RPTOR: variants seen among roughly 807,000 people sequenced by gnomAD.
RPTOR encodes the protein regulatory associated protein of MTOR complex 1, also known as regulatory-associated protein of mTOR.
A neutral mutation model predicts 169.9 loss-of-function variants in RPTOR; 21 were observed. The ratio of observed to expected loss-of-function variants is 0.12; its 90% CI spans 0.09 to 0.18. The LOEUF is 0.18. Ranked by LOEUF, RPTOR falls within the 10% of genes least tolerant of loss-of-function variation. The probability of loss-of-function intolerance (pLI) is 1.00; values close to 1 mark genes in which losing one functional copy is unlikely to be tolerated. For synonymous variants in RPTOR, 732 were observed against 753.2 expected (o/e 0.97, Z 0.46); for missense variants, 1,133 against 1,855.9 (o/e 0.61, Z 7.16).
At chr17:80,550,467 C>G (rs2084331091) in intron 1 of RPTOR, among the ~76,000 whole-genome samples, 3 of 152,178 alleles carry the variant, frequency 2.0e-5, no homozygotes, top group Non-Finnish European at 4.4e-5. Flanking sequence ...CCCTCCCTAG[C>G]AGATCTCATC....
intron 2 of RPTOR, among the ~76,000 whole-genome samples, chr17:80,634,931 G>A (rs550408919): frequency 2.0e-4 from 30 of 152,110 alleles, no homozygotes; most frequent in African/African-American, 4.3e-4. Flanking sequence ...TGTGCATACC[G>A]CGTGTGCATA....
chr17:80,676,946 A>G (rs528594906), intron 3 of RPTOR, among the ~76,000 whole-genome samples: 1 of 152,286 alleles, frequency 6.6e-6, no homozygotes, highest in South Asian at 2.1e-4. Context: ...CTGTATTTTA[A>G]TAATCAGTTT....
In RPTOR at chr17:80,721,502, C is replaced by T. The variant is rs1270333512; in HGVS notation, c.508-9058C>T. ...GCATCTGGCCCTGGAAAGAGGCACA[C>T]CCAGCAGCGGGCTCTCCTGGCTCAC... On this transcript the variant is annotated intron_variant, in intron 4 of 33. Coordinates refer to ENST00000306801, the MANE Select transcript of RPTOR (RefSeq NM_020761.3). The surrounding 1 kb of genome is among the most constrained non-coding windows in gnomAD (Gnocchi z 4.7). 4.6e-5 allele frequency among the ~76,000 whole-genome samples: 7 copies of T among 151,410 alleles called. 1 individual carries two copies. Among genetic ancestry groups the T allele is most frequent in the African/African-American group, 1.2e-4 (5 of 40,672 alleles).
chr17:80,865,037 A>G (rs1224067353), intron 13 of RPTOR, among the ~76,000 whole-genome samples: 2 of 152,386 alleles, frequency 1.3e-5, no homozygotes, highest in East Asian at 3.9e-4. Flanking sequence ...TAACAGTAAC[A>G]AAAAGATGGG....
chr17:80,652,824 G>A (rs918849777), intron 3 of RPTOR, among the ~76,000 whole-genome samples: 4 of 152,218 alleles, frequency 2.6e-5, no homozygotes, highest in Non-Finnish European at 5.9e-5. Flanking sequence ...ATTTTCCACA[G>A]TGGCTGTACT....
intron 21 of RPTOR, among the ~76,000 whole-genome samples, chr17:80,920,497 G>A (rs1321205650): frequency 6.6e-6 from 1 of 152,236 alleles, no homozygotes; most frequent in Non-Finnish European, 1.5e-5. Flanking sequence ...AACCCCAGGG[G>A]CTGCGAGAAT....
At position 80,961,750 on chromosome 17, in the gene RPTOR, G is replaced by A. The variant is rs985748125; in HGVS notation, c.3692+270G>A. On this transcript the variant is annotated intron_variant, in intron 31 of 33. Coordinates refer to ENST00000306801, the MANE Select transcript of RPTOR (RefSeq NM_020761.3). ...TGCGGAGGGTTCCGGGGGGAGTTGG[G>A]CAGCTGCTCTCCCTCCACGGGCAGG... 62 of 429,802 alleles carry A rather than the reference G, an allele frequency of 1.4e-4. No individual in the cohort carries two copies. The South Asian group carries it at 2.2e-3, about 15-fold the overall frequency. 26.6% of individuals were successfully genotyped at this position (429,802 alleles called of 1,614,324 possible).
At chr17:80,725,869 A>G (rs1249575039) in intron 4 of RPTOR, among the ~76,000 whole-genome samples, 2 of 152,240 alleles carry the variant, frequency 1.3e-5, no homozygotes, top group Admixed American at 1.3e-4. Context: ...TAATGTATAC[A>G]GCTCATGTTT....
chr17:80,813,447 G>A (rs1029807094), intron 7 of RPTOR, among the ~76,000 whole-genome samples: 3 of 152,204 alleles, frequency 2.0e-5, no homozygotes, highest in Admixed American at 1.3e-4. Context: ...TGTGCTTTAT[G>A]TGTAAGGTTT....
At chr17:80,877,230 C>T (rs1278869138) in intron 13 of RPTOR, among the ~76,000 whole-genome samples, 1 of 152,230 alleles carries the variant, frequency 6.6e-6, no homozygotes, top group Non-Finnish European at 1.5e-5. Flanking sequence ...CGAGAGAGTC[C>T]ACCCCAGTCC....
intron 1 of RPTOR, among the ~76,000 whole-genome samples, chr17:80,564,107 G>C (rs2084541645): frequency 6.6e-6 from 1 of 151,366 alleles, no homozygotes; most frequent in Non-Finnish European, 1.5e-5. Flanking sequence ...CTGTCGCCCA[G>C]GCTGGAGTGC....
rs748804748 is a variant in RPTOR, at chr17:80,892,529, G to A, written c.2102-200G>A. Among the ~76,000 whole-genome samples the A allele has an allele frequency of 7.2e-5, 11 of 152,360 alleles. No individual in the cohort carries two copies. In the South Asian group the frequency reaches 1.2e-3, roughly 17 times the overall value. ...ATTTAATATGCACAGAGCCACAAGC[G>A]GTTGTTGTTTGTCCAGTGCTATCCC... On this transcript the variant is annotated intron_variant, in intron 18 of 33. Transcript: ENST00000306801.
In RPTOR at chr17:80,728,024, C is replaced by T. The variant is rs375845657; in HGVS notation, c.508-2536C>T. 4.1e-4 allele frequency among the ~76,000 whole-genome samples: 62 copies of T among 152,008 alleles called. No individual in the cohort carries two copies. In the East Asian group the frequency reaches 5.4e-3, roughly 13 times the overall value. On this transcript the variant is annotated intron_variant, in intron 4 of 33. Coordinates refer to ENST00000306801, the MANE Select transcript of RPTOR (RefSeq NM_020761.3). Reference sequence around the variant, plus strand: ...CAGAATGGATGAATGAATGGATGGGCGGATGGATGGATGGATGAATGGATG... The same window carrying T: ...CAGAATGGATGAATGAATGGATGGGTGGATGGATGGATGGATGAATGGATG...
chr17:80,613,637 T>A (rs1230999421), intron 1 of RPTOR, among the ~76,000 whole-genome samples: 1 of 149,746 alleles, frequency 6.7e-6, no homozygotes, highest in African/African-American at 2.5e-5. Context: ...TATGGTTGAA[T>A]GAAGTGGTGT....
At chr17:80,664,317 C>CACAG in intron 3 of RPTOR, among the ~76,000 whole-genome samples, 1 of 152,146 alleles carries the variant, frequency 6.6e-6, no homozygotes, top group East Asian at 1.9e-4. Flanking sequence ...TATTTTTTTC[C>CACAG]CTAAGTAACA....
intron 1 of RPTOR, among the ~76,000 whole-genome samples, chr17:80,566,456 A>G (rs775581248): frequency 3.9e-5 from 6 of 152,188 alleles, no homozygotes; most frequent in East Asian, 1.9e-4. Context: ...AAATAATTAT[A>G]TAAAAAATTT....
rs1393186619 is a variant in RPTOR at position 80,754,804 on chromosome 17, C to T, written c.830+619C>T. Reference sequence around the variant, plus strand: ...AGACCATCTTGCCAGTCTTTAATATCTCCTTTCCCATTTTATGTTTTGCTG... The same window carrying T: ...AGACCATCTTGCCAGTCTTTAATATTTCCTTTCCCATTTTATGTTTTGCTG... On this transcript the variant is annotated intron_variant, in intron 6 of 33. Transcript: ENST00000306801. This position sits in a 1 kb window ranked among gnomAD's most constrained non-coding sequence, Gnocchi z 4.2. Among the ~76,000 whole-genome samples the T allele has an allele frequency of 6.6e-6, 1 of 152,196 alleles. No homozygotes were observed. The highest frequency in any genetic ancestry group is 1.5e-5 in the Non-Finnish European group (1 of 68,034).
intron 1 of RPTOR, among the ~76,000 whole-genome samples, chr17:80,560,665 G>T (rs1402648024): frequency 6.6e-6 from 1 of 152,112 alleles, no homozygotes; most frequent in African/African-American, 2.4e-5. Context: ...CGCCACTGGG[G>T]GCCTCCTGCA....
chr17:80,893,677 AC>A (rs1323324214), intron 19 of RPTOR, 29 bp from the exon 20 acceptor site: 22 of 1,593,940 alleles, frequency 1.4e-5, no homozygotes, highest in Non-Finnish European at 1.8e-5. Context: ...TCCCGGGAGC[AC>A]CCCACTGACC....
Sources: allele counts gnomAD v4.1 joint callset (sites outside exome capture counted in the v4.1 genomes callset), GRCh38; gene constraint gnomAD v4.1.1; non-coding constraint Gnocchi (gnomAD v3.1); transcripts MANE v1.5; gene names NCBI Gene and HGNC (gene_info 2026-07-23, HGNC 2026-07-21).